TRIT1: variants seen among roughly 807,000 people sequenced by gnomAD.
The protein encoded by TRIT1 is tRNA isopentenyltransferase 1.
Under a neutral mutation model 51.2 loss-of-function variants are expected in TRIT1, and 43 were observed. That is an observed-to-expected ratio of 0.84 (90% CI 0.66 to 1.08). TRIT1 has a LOEUF of 1.08. Among genes scored for constraint, TRIT1 ranks in the 50% least tolerant of loss-of-function variants. The pLI, the probability that TRIT1 is intolerant of heterozygous loss-of-function variation, is 0.00. For missense variants in TRIT1, 528 were observed against 578.4 expected (o/e 0.91, Z 0.89); for synonymous variants, 184 against 203.9 (o/e 0.90, Z 0.83).
intron 1 of TRIT1, among the ~76,000 whole-genome samples, chr1:39,879,485 A>AATAT (rs34841905): frequency 3.8e-4 from 57 of 148,606 alleles, no homozygotes; most frequent in Non-Finnish European, 4.8e-4. Context: ...GAGGATTTTA[A>AATAT]ATATATATAT....
intron 2 of TRIT1, 49 bp from the exon 3 acceptor site, chr1:39,854,117 T>C: frequency 7.3e-7 from 1 of 1,362,436 alleles, no homozygotes; most frequent in Non-Finnish European, 1.0e-6. Flanking sequence ...CTGACTCACT[T>C]TGGAAGGACA....
In TRIT1 at chr1:39,857,304, C is replaced by T. The variant is rs1642957603; in HGVS notation, c.288G>A (p.Val96=). ...VDPLVTNYTV[V]DFRNRATALI... ...GAGCAGTTGCTCTATTTCTGAAGTC[C>T]ACCACTGTGTAATTGGTCACAAGAG... is the stretch of plus-strand genomic sequence containing the variant. The change falls in exon 2 of 11, where the codon GTG becomes GTA. Residue 96 remains valine, a synonymous_variant. Coordinates refer to ENST00000316891, the MANE Select transcript of TRIT1 (RefSeq NM_017646.6). The T allele has an allele frequency of 1.2e-6, 2 of 1,613,042 alleles. No homozygotes were observed. The highest frequency in any genetic ancestry group is 1.7e-6 in the Non-Finnish European group (2 of 1,179,506).
chr1:39,882,616 C>T (rs2124700376), intron 1 of TRIT1, among the ~76,000 whole-genome samples: 2 of 152,328 alleles, frequency 1.3e-5, no homozygotes, highest in East Asian at 3.9e-4. Flanking sequence ...TGATTTAAAA[C>T]CTCTACTTAA....
Position 39,841,613 on chromosome 1 carries a change from A to C in TRIT1, c.*131T>G. On this transcript the variant is annotated 3_prime_UTR_variant, in exon 11 of 11. Transcript: ENST00000316891. ...GAGACTTTAAAACCACATCAAAAGAAAATGGTGGGAGCTTTTCTGCTATGC... is the reference window on the plus strand; with the variant it reads ...GAGACTTTAAAACCACATCAAAAGACAATGGTGGGAGCTTTTCTGCTATGC... 1 of 933,752 alleles carries C rather than the reference A, an allele frequency of 1.1e-6. No homozygotes were observed. Among genetic ancestry groups the C allele is most frequent in the Non-Finnish European group, 1.5e-6 (1 of 648,126 alleles). The allele number at this position is 933,752 out of a possible 1,614,324, so 57.8% of individuals were successfully genotyped here.
chr1:39,865,192 A>T (rs999089527), intron 1 of TRIT1, among the ~76,000 whole-genome samples: 1 of 152,194 alleles, frequency 6.6e-6, no homozygotes, highest in African/African-American at 2.4e-5. Context: ...TCTCCCCTTC[A>T]TAATCACTCC....
intron 1 of TRIT1, among the ~76,000 whole-genome samples, chr1:39,864,870 G>A (rs919126921): frequency 2.0e-5 from 3 of 152,138 alleles, no homozygotes; most frequent in African/African-American, 7.2e-5. Flanking sequence ...CTGTCTACAA[G>A]CAAAAGGAAA....
At chr1:39,872,411 G>A (rs1643907951) in intron 1 of TRIT1, among the ~76,000 whole-genome samples, 1 of 152,072 alleles carries the variant, frequency 6.6e-6, no homozygotes, top group South Asian at 2.1e-4. Context: ...ACAAACTGTA[G>A]GCAAACATTG....
At chr1:39,848,778 G>A (rs767659734) in intron 5 of TRIT1, among the ~76,000 whole-genome samples, 4 of 151,240 alleles carry the variant, frequency 2.6e-5, no homozygotes, top group South Asian at 2.1e-4. Flanking sequence ...AGCCGAGATC[G>A]CACCACTGCA....
At chr1:39,843,110 C>A (rs1030172341) in intron 10 of TRIT1, among the ~76,000 whole-genome samples, 1 of 152,176 alleles carries the variant, frequency 6.6e-6, no homozygotes, top group African/African-American at 2.4e-5. Flanking sequence ...CAATGACAAT[C>A]GAGGCTTCTT....
chr1:39,866,331 C>T (rs1643554598), intron 1 of TRIT1, among the ~76,000 whole-genome samples: 1 of 152,136 alleles, frequency 6.6e-6, no homozygotes, highest in South Asian at 2.1e-4. Flanking sequence ...TGTCACCACG[C>T]CCAGCTAATT....
At chr1:39,854,998 C>A (rs1642813665) in intron 2 of TRIT1, among the ~76,000 whole-genome samples, 2 of 152,096 alleles carry the variant, frequency 1.3e-5, no homozygotes, top group South Asian at 4.1e-4. Context: ...CAAGCACATG[C>A]CACCACATCT....
intron 2 of TRIT1, among the ~76,000 whole-genome samples, chr1:39,854,306 A>G (rs1052689566): frequency 6.6e-6 from 1 of 152,232 alleles, no homozygotes; most frequent in Non-Finnish European, 1.5e-5. Context: ...TTCCAGTTCT[A>G]GAACTTTCTA....
Position 39,874,299 on chromosome 1 carries a change from C to T in TRIT1, c.174+9019G>A, listed in dbSNP as rs115110463. Among the ~76,000 whole-genome samples, 901 of 152,278 alleles carry T rather than the reference C, an allele frequency of 5.9e-3. 9 individuals are homozygous for T. The highest frequency in any genetic ancestry group is 0.021 in the African/African-American group (880 of 41,552). On this transcript the variant is annotated intron_variant, in intron 1 of 10. Coordinates refer to ENST00000316891, the MANE Select transcript of TRIT1 (RefSeq NM_017646.6). ...GCCTACTAGAATGTTAGCAATGTCT[C>T]TGGCCTCTACCCATTAGATGCCAGG...
chr1:39,847,097 C>T (rs1642268962), intron 8 of TRIT1, 123 bp downstream of exon 8: 1 of 724,384 alleles, frequency 1.4e-6, no homozygotes, highest in East Asian at 2.6e-5. Context: ...TAGAACTTCC[C>T]TTAGGTCAGA....
chr1:39,857,342 T>G lies in TRIT1; in HGVS notation c.250A>C (p.Ser84Arg). Reference protein sequence around the residue: ...EQRICRHHMISFVDPLVTNYT... With the variant: ...EQRICRHHMIRFVDPLVTNYT... Reference sequence around the variant, plus strand: ...TTGGTCACAAGAGGATCCACAAAGCTGATCATGTGGTGCCGGCAGATTCTC... The same window carrying G: ...TTGGTCACAAGAGGATCCACAAAGCGGATCATGTGGTGCCGGCAGATTCTC... The change falls in exon 2 of 11, where the codon AGC becomes CGC. Residue 84 changes from serine (S) to arginine (R), a missense_variant. Ser to Arg is a moderately radical substitution (Grantham distance 110). This residue lies in a region of TRIT1 where 468 missense variants were observed against 522.6 expected (regional missense o/e 0.90). Coordinates refer to ENST00000316891, the MANE Select transcript of TRIT1 (RefSeq NM_017646.6). The G allele has an allele frequency of 6.2e-7, 1 of 1,614,152 alleles. No individual in the cohort carries two copies. Among genetic ancestry groups the G allele is most frequent in the East Asian group, 2.2e-5 (1 of 44,890 alleles).
At chr1:39,847,092 C>A in intron 8 of TRIT1, 128 bp downstream of exon 8, 1 of 640,816 alleles carries the variant, frequency 1.6e-6, no homozygotes, top group Non-Finnish European at 2.6e-6. Flanking sequence ...TGTTATAGAA[C>A]TTCCCTTAGG....
At chr1:39,869,701 G>A (rs376176277) in intron 1 of TRIT1, among the ~76,000 whole-genome samples, 26 of 150,442 alleles carry the variant, frequency 1.7e-4, no homozygotes, top group South Asian at 6.3e-4. Context: ...TGTGAGGAGC[G>A]CCTCTGCCCA....
rs181594708 is a variant in TRIT1 at position 39,839,549 on chromosome 1, C to G, written c.*2195G>C. On this transcript the variant is annotated 3_prime_UTR_variant, in exon 11 of 11. Transcript: ENST00000316891. ...GCAGGCACAAAAGGGGAAATCTACTCAGGGCAATGCTTCAGACCAGAGCAC... is the reference window on the plus strand; with the variant it reads ...GCAGGCACAAAAGGGGAAATCTACTGAGGGCAATGCTTCAGACCAGAGCAC... 5.3e-5 allele frequency among the ~76,000 whole-genome samples: 8 copies of G among 152,328 alleles called. No homozygotes were observed. The highest frequency in any genetic ancestry group is 1.3e-4 in the Admixed American group (2 of 15,302).
Position 39,840,027 on chromosome 1 carries a change from T to C in TRIT1, c.*1717A>G, listed in dbSNP as rs1652499072. Among the ~76,000 whole-genome samples the C allele has an allele frequency of 6.6e-6, 1 of 152,216 alleles. No homozygotes were observed. The highest frequency in any genetic ancestry group is 1.5e-5 in the Non-Finnish European group (1 of 68,032). On this transcript the variant is annotated 3_prime_UTR_variant, in exon 11 of 11. Coordinates refer to ENST00000316891, the MANE Select transcript of TRIT1 (RefSeq NM_017646.6). ...CTCACCTCAATTCCAGCTCTACCGC[T>C]TGCTAGCTGTACTCCATTGCTGAGC...
Sources: allele counts gnomAD v4.1 joint callset (sites outside exome capture counted in the v4.1 genomes callset), GRCh38; gene constraint gnomAD v4.1.1; regional missense constraint gnomAD v4.1.1; transcripts MANE v1.5; gene names NCBI Gene and HGNC (gene_info 2026-07-23, HGNC 2026-07-21).